Variants in PHF14 observed in about 807,000 individuals in gnomAD.
The protein encoded by PHF14 is PHD finger protein 14.
A neutral mutation model predicts 117.9 loss-of-function variants in PHF14; 55 were observed. The ratio of observed to expected loss-of-function variants is 0.47; its 90% CI spans 0.38 to 0.58. PHF14 has a LOEUF of 0.58. PHF14 is among the 20% of genes least tolerant of loss of function. The pLI is 0.00. For missense variants in PHF14, 978 were observed against 1,122.2 expected, an observed-to-expected ratio of 0.87 and a Z score of 1.84; for synonymous variants, 409 against 368.6, an observed-to-expected ratio of 1.11 and a Z score of -1.26.
intron 4 of PHF14, among the ~76,000 whole-genome samples, chr7:10,998,116 A>T (rs1782728186): frequency 6.6e-6 from 1 of 152,152 alleles, no homozygotes; most frequent in Admixed American, 6.5e-5. Flanking sequence ...GCTGGAACAA[A>T]GGTTTTGAGT....
At chr7:11,122,641 C>G (rs112266828) in intron 17 of PHF14, among the ~76,000 whole-genome samples, 14 of 151,820 alleles carry the variant, frequency 9.2e-5, no homozygotes, top group African/African-American at 3.1e-4. Flanking sequence ...CTTCATGTTA[C>G]TTTAAAAATT....
At chr7:11,048,806 A>G (rs1784758491) in intron 13 of PHF14, among the ~76,000 whole-genome samples, 1 of 152,200 alleles carries the variant, frequency 6.6e-6, no homozygotes, top group African/African-American at 2.4e-5. Flanking sequence ...GACTCTATCT[A>G]CTGCAACAAT....
intron 17 of PHF14, among the ~76,000 whole-genome samples, chr7:11,164,713 T>G (rs187156554): frequency 6.6e-6 from 1 of 152,358 alleles, no homozygotes; most frequent in African/African-American, 2.4e-5. Context: ...CTTCCTGTAG[T>G]GTTGCCATTT....
At chr7:11,051,074 C>T (rs1392450376) in intron 13 of PHF14, among the ~76,000 whole-genome samples, 1 of 152,104 alleles carries the variant, frequency 6.6e-6, no homozygotes, top group East Asian at 1.9e-4. Context: ...GGGTCTTGCT[C>T]ATGTTACCCA....
intron 16 of PHF14, among the ~76,000 whole-genome samples, chr7:11,099,317 ATT>A (rs1671450804): frequency 6.6e-6 from 1 of 152,048 alleles, no homozygotes; most frequent in African/African-American, 2.4e-5. Context: ...ATTCATAAAT[ATT>A]TTTTGTTTAT....
chr7:11,121,132 A>G (rs984562623), intron 17 of PHF14, among the ~76,000 whole-genome samples: 1 of 152,114 alleles, frequency 6.6e-6, no homozygotes, highest in African/African-American at 2.4e-5. Flanking sequence ...CATCATCCCT[A>G]AAGAATGACT....
chr7:11,103,306 T>C, intron 16 of PHF14: 1 of 871,356 alleles, frequency 1.1e-6, no homozygotes, highest in Non-Finnish European at 1.4e-6. Context: ...CCTTATTGTT[T>C]TAATATAAGC....
intron 17 of PHF14, among the ~76,000 whole-genome samples, chr7:11,128,147 G>T (rs1787982048): frequency 6.6e-6 from 1 of 151,964 alleles, no homozygotes; most frequent in Non-Finnish European, 1.5e-5. Flanking sequence ...ATGTACTTGA[G>T]TTCACTACAA....
At position 11,051,781 on chromosome 7, in the gene PHF14, G is replaced by A. The variant is rs781753781; in HGVS notation, c.2481+1G>A. 6.2e-7 allele frequency: 1 copy of A among 1,612,012 alleles called. No homozygotes were observed. The highest frequency in any genetic ancestry group is 8.5e-7 in the Non-Finnish European group (1 of 1,178,800). On this transcript the variant is annotated splice_donor_variant, in intron 14 of 17. Coordinates refer to ENST00000634607, the MANE Select transcript of PHF14 (RefSeq NM_001007157.2). LOFTEE classifies it high-confidence loss of function. ...CAAGAAGATTCCGATAAGAAACACGGTAGTTTATTTTTTATTTATCATAAG... is the reference window on the plus strand; with the variant it reads ...CAAGAAGATTCCGATAAGAAACACGATAGTTTATTTTTTATTTATCATAAG...
chr7:11,102,516 G>A, intron 16 of PHF14: 10 of 1,610,952 alleles, frequency 6.2e-6, no homozygotes, highest in Non-Finnish European at 8.5e-6. Flanking sequence ...CTCTGCCACA[G>A]CTCATCCTCG....
chr7:11,105,558 A>C (rs1036754934), intron 16 of PHF14: 17 of 982,380 alleles, frequency 1.7e-5, no homozygotes, highest in Non-Finnish European at 2.1e-5. Context: ...GGCAATTGAA[A>C]CTTGTTTAAG....
intron 10 of PHF14, 44 bp downstream of exon 10, chr7:11,037,135 C>G: frequency 7.1e-7 from 1 of 1,417,386 alleles, no homozygotes; most frequent in Non-Finnish European, 9.4e-7. Flanking sequence ...ATAGATCTTA[C>G]TGATGATTTC....
rs529836211 is a variant in PHF14, at chr7:10,988,114, C to A, written c.901-2589C>A. On this transcript the variant is annotated intron_variant, in intron 3 of 17. Coordinates refer to ENST00000634607, the MANE Select transcript of PHF14 (RefSeq NM_001007157.2). ...TTAGATTTTCCAGTTGAAACATTGT[C>A]TGCTAGCCATTTAGTTAGGGAAATA... Among the ~76,000 whole-genome samples the A allele has an allele frequency of 3.3e-5, 5 of 151,020 alleles. No homozygotes were observed. In the South Asian group the frequency reaches 8.4e-4, roughly 25 times the overall value.
At chr7:10,999,697 A>G (rs767779742) in intron 4 of PHF14, among the ~76,000 whole-genome samples, 4 of 152,256 alleles carry the variant, frequency 2.6e-5, no homozygotes, top group Non-Finnish European at 4.4e-5. Flanking sequence ...TCAGATGAAT[A>G]GCCTCGGTAC....
intron 2 of PHF14, among the ~76,000 whole-genome samples, chr7:10,981,315 C>G (rs1583324577): frequency 6.6e-6 from 1 of 152,080 alleles, no homozygotes; most frequent in South Asian, 2.1e-4. Context: ...CTGGCTAAGA[C>G]TTAACTGGTT....
chr7:11,110,008 T>A (rs938714705), intron 16 of PHF14: 1 of 151,908 alleles, frequency 6.6e-6, no homozygotes, highest in Admixed American at 6.6e-5. Flanking sequence ...GTAACTTAAT[T>A]AAGTTGCTTA....
At position 11,022,880 on chromosome 7, in the gene PHF14, T is replaced by A; in HGVS notation, c.1218T>A (p.Ile406=). ...KETDAGRWVH[I]VCALYVPGVA... Reference sequence around the variant, plus strand: ...CTTCTCTTCTTAGATGGGTTCATATTGTTTGTGCCCTGTATGTTCCTGGAG... The same window carrying A: ...CTTCTCTTCTTAGATGGGTTCATATAGTTTGTGCCCTGTATGTTCCTGGAG... The change falls in exon 6 of 18, where the codon ATT becomes ATA. Residue 406 remains isoleucine (I), a synonymous_variant. Transcript: ENST00000634607. The A allele has an allele frequency of 1.9e-6, 3 of 1,596,190 alleles. No individual in the cohort carries two copies. The highest frequency in any genetic ancestry group is 2.6e-6 in the Non-Finnish European group (3 of 1,167,502).
At chr7:11,120,875 G>A (rs114524377) in intron 17 of PHF14, among the ~76,000 whole-genome samples, 1,525 of 152,064 alleles carry the variant, frequency 0.01, 25 homozygotes, top group African/African-American at 0.035. Flanking sequence ...TAACTCATAC[G>A]GAAACTTGTT....
At chr7:11,063,238 G>C (rs1785297903) in intron 16 of PHF14, 1 of 984,594 alleles carries the variant, frequency 1.0e-6, no homozygotes, top group African/African-American at 1.7e-5. Flanking sequence ...AGTTCATGTA[G>C]AGTGTGTTGG....
Sources: gnomAD v4.1 joint callset for allele counts (sites outside exome capture counted in the v4.1 genomes callset) on GRCh38, gnomAD v4.1.1 for gene constraint, MANE v1.5 for transcripts, NCBI Gene and HGNC (gene_info 2026-07-23, HGNC 2026-07-21) for gene names.